The following LIMK2 variants were observed in gnomAD, a reference collection of about 807,000 sequenced individuals.
LIMK2 encodes LIM domain kinase 2.
Under a neutral mutation model 75.7 loss-of-function variants are expected in LIMK2, and 35 were observed. That is an observed-to-expected ratio of 0.46 (90% CI 0.35 to 0.61). The LOEUF is 0.61. Ranked by LOEUF, LIMK2 falls within the 20% of genes least tolerant of loss-of-function variation. LIMK2 has a pLI of 0.00. For synonymous variants in LIMK2, 301 were observed against 319.2 expected (o/e 0.94, Z 0.61); for missense variants, 623 against 831.0 (o/e 0.75, Z 3.08).
intron 2 of LIMK2, chr22:31,248,893 C>A: frequency 9.8e-7 from 1 of 1,023,286 alleles, no homozygotes; most frequent in Non-Finnish European, 1.5e-6. Context: ...CAGAAGCCAG[C>A]GGAGGTTATA....
At chr22:31,276,752 A>C (rs752750543) in intron 15 of LIMK2, 3 of 1,574,990 alleles carry the variant, frequency 1.9e-6, no homozygotes, top group Non-Finnish European at 2.6e-6. Flanking sequence ...CCCCCAGGCC[A>C]GGCAGTGGCG....
chr22:31,272,996 C>A, intron 13 of LIMK2: 1 of 1,191,652 alleles, frequency 8.4e-7, no homozygotes, highest in Non-Finnish European at 1.0e-6. Context: ...CTTCTCTCTC[C>A]ATGGTGAGAA....
chr22:31,253,759 T>C (rs1211090633), intron 2 of LIMK2, among the ~76,000 whole-genome samples: 1 of 152,254 alleles, frequency 6.6e-6, no homozygotes, highest in Non-Finnish European at 1.5e-5. Flanking sequence ...TTCAGTCTTC[T>C]GTAAAACAGG....
rs1408516744 is a variant in LIMK2 at position 31,273,507 on chromosome 22, G to A, written c.1614G>A (p.Glu538=). Residue 538 remains glutamate, a splice_region_variant and synonymous_variant, in exon 14 of 16, where the codon GAG becomes GAA. Transcript: ENST00000331728. ...TCTCCTTTGGGATCGTTCTCTGTGAGGTGAGCTCTGGCACCAAGGCCATGC... is the reference window on the plus strand; with the variant it reads ...TCTCCTTTGGGATCGTTCTCTGTGAAGTGAGCTCTGGCACCAAGGCCATGC... ...DIFSFGIVLC[E]IIGQVYADPD... is the part of the protein sequence containing the mutation. 1 of 1,613,646 alleles carries A rather than the reference G, an allele frequency of 6.2e-7. No individual in the cohort carries two copies. The highest frequency in any genetic ancestry group is 1.1e-5 in the South Asian group (1 of 91,052).
intron 15 of LIMK2, chr22:31,275,604 T>TTG: frequency 3.0e-6 from 1 of 333,044 alleles, no homozygotes; most frequent in South Asian, 5.2e-5. Flanking sequence ...CATCTTTCGA[T>TTG]ATTCCCCTGT....
intron 11 of LIMK2, 81 bp downstream of exon 11, chr22:31,268,281 A>T: frequency 8.7e-7 from 1 of 1,148,486 alleles, no homozygotes; most frequent in East Asian, 2.3e-5. Context: ...GAAGGTAGAG[A>T]CCCCTTCCTA....
chr22:31,272,324 CT>C (rs2123862764), intron 12 of LIMK2: 2 of 377,806 alleles, frequency 5.3e-6, no homozygotes, highest in Non-Finnish European at 9.4e-6. Context: ...ATTCACCCGC[CT>C]TGGCCTCCCA....
At chr22:31,234,719 C>CAAAAA (rs35909225) in intron 2 of LIMK2, among the ~76,000 whole-genome samples, 2 of 68,458 alleles carry the variant, frequency 2.9e-5, no homozygotes, top group Non-Finnish European at 6.2e-5. Flanking sequence ...GACTCCATCT[C>CAAAAA]AAAAAAAAAA....
rs1208698198 is a variant in LIMK2 at position 31,279,370 on chromosome 22, G to C, written c.*929G>C. The C allele has an allele frequency of 6.6e-6, 1 of 152,296 alleles. No homozygotes were observed. The highest frequency in any genetic ancestry group is 1.5e-5 in the Non-Finnish European group (1 of 68,108). 9.4% of individuals were successfully genotyped at this position (152,296 alleles called of 1,614,324 possible). ...CTTGTCACAGGCCTAGAGTCTGAGGGAGGGGAGTGGGAGTCTCAGCAATCT... is the reference window on the plus strand; with the variant it reads ...CTTGTCACAGGCCTAGAGTCTGAGGCAGGGGAGTGGGAGTCTCAGCAATCT... On this transcript the variant is annotated 3_prime_UTR_variant, in exon 16 of 16. Coordinates refer to ENST00000331728, the MANE Select transcript of LIMK2 (RefSeq NM_005569.4).
At chr22:31,254,746 G>A (rs1008529105) in intron 2 of LIMK2, among the ~76,000 whole-genome samples, 1 of 152,164 alleles carries the variant, frequency 6.6e-6, no homozygotes, top group African/African-American at 2.4e-5. Context: ...ATCACTTGAG[G>A]TCGGGAGTTC....
chr22:31,225,980 G>A (rs1436180110), intron 2 of LIMK2, among the ~76,000 whole-genome samples, 161 bp downstream of exon 2: 2 of 152,182 alleles, frequency 1.3e-5, no homozygotes, highest in South Asian at 2.1e-4. Flanking sequence ...AACCTCAAGT[G>A]TGGCCCCCCT....
rs769624445 is a variant in LIMK2 at position 31,265,976 on chromosome 22, C to T, written c.885C>T (p.Gly295=). The T allele has an allele frequency of 1.2e-6, 2 of 1,614,154 alleles. No homozygotes were observed. Among genetic ancestry groups the T allele is most frequent in the South Asian group, 1.1e-5 (1 of 91,084 alleles). Residue 295 remains glycine (G), a synonymous_variant, in exon 8 of 16, where the codon GGC becomes GGT. Coordinates refer to ENST00000331728, the MANE Select transcript of LIMK2 (RefSeq NM_005569.4). ...RRSNSISKSP[G]PSSPKEPLLF... ...GTAACAGTATCTCCAAGTCCCCTGG[C>T]CCCAGCTCCCCAAAGGAGCCCCTGC...
chr22:31,248,787 TTCCCC>T lies in LIMK2; in HGVS notation c.117-9501_117-9497del, dbSNP rs777438421. 44 of 1,613,670 alleles carry T rather than the reference TTCCCC, an allele frequency of 2.7e-5. 1 individual carries two copies. Among genetic ancestry groups the T allele is most frequent in the Non-Finnish European group, 3.6e-5 (43 of 1,179,568 alleles). On this transcript the variant is annotated intron_variant, in intron 2 of 15. Transcript: ENST00000331728. The stretch of plus-strand genomic sequence containing the variant: ...CTGTTTCGGTGAGTTGGTCTCCGAG[TTCCCC>T]TCTCCATCTCTCCTGGCCCCTGGTC...
intron 1 of LIMK2, among the ~76,000 whole-genome samples, chr22:31,214,569 C>G (rs1369778929): frequency 1.3e-5 from 2 of 151,602 alleles, no homozygotes; most frequent in Non-Finnish European, 2.9e-5. Context: ...GCTGGGATTA[C>G]AGGCATGAAC....
intron 1 of LIMK2, among the ~76,000 whole-genome samples, chr22:31,221,745 A>G (rs1430034511): frequency 1.3e-5 from 2 of 152,086 alleles, no homozygotes; most frequent in Non-Finnish European, 2.9e-5. Context: ...AGCCTCCCAA[A>G]GTGCTGGGAT....
At chr22:31,272,908 G>A in intron 13 of LIMK2, 6 of 1,347,972 alleles carry the variant, frequency 4.5e-6, no homozygotes, top group Non-Finnish European at 4.8e-6. Flanking sequence ...TCCCATCATG[G>A]GGGATAAGGT....
intron 2 of LIMK2, among the ~76,000 whole-genome samples, chr22:31,244,871 G>A (rs931442195): frequency 6.6e-6 from 1 of 152,190 alleles, no homozygotes; most frequent in Non-Finnish European, 1.5e-5. Context: ...CTTTGGTATA[G>A]CATGGTAGAA....
At chr22:31,220,857 G>A (rs768006700) in intron 1 of LIMK2, among the ~76,000 whole-genome samples, 1 of 152,146 alleles carries the variant, frequency 6.6e-6, no homozygotes, top group Non-Finnish European at 1.5e-5. Flanking sequence ...AGCTATACTC[G>A]GGAGGCTGAG....
At chr22:31,239,251 G>A (rs774416293) in intron 2 of LIMK2, among the ~76,000 whole-genome samples, 17 of 152,214 alleles carry the variant, frequency 1.1e-4, no homozygotes, top group Non-Finnish European at 1.8e-4. Flanking sequence ...TCAGCTTTGC[G>A]TTCTGTTAAA....
Sources: allele counts gnomAD v4.1 joint callset (sites outside exome capture counted in the v4.1 genomes callset), GRCh38; gene constraint gnomAD v4.1.1; transcripts MANE v1.5; gene names NCBI Gene and HGNC (gene_info 2026-07-23, HGNC 2026-07-21).